SMG1: variants seen among roughly 807,000 people sequenced by gnomAD.
The protein encoded by SMG1 is serine/threonine-protein kinase SMG1.
SMG1 carries 22 observed loss-of-function variants against 419.9 expected under a neutral mutation model. The observed-to-expected ratio is 0.05, with a 90% CI of 0.04 to 0.07. SMG1 has a LOEUF of 0.07. SMG1 is among the 10% of genes least tolerant of loss of function. The probability of loss-of-function intolerance (pLI) is 1.00; values close to 1 mark genes in which losing one functional copy is unlikely to be tolerated. For missense variants in SMG1, 3,185 were observed against 4,342.0 expected (o/e 0.73, Z 7.49); for synonymous variants, 1,538 against 1,553.5 (o/e 0.99, Z 0.23).
Position 18,829,618 on chromosome 16 carries a change from T to C in SMG1, c.9271A>G (p.Arg3091Gly). ...TTGGGTAGCCCTATCAAGAGCTGCC[T>C]CACAAAGTCAGCTGTGAATGCCTTG... is the stretch of plus-strand genomic sequence containing the variant. ...PIKAFTADFV[R>G]QLLIGLPNQA... The change falls in exon 54 of 63, where the codon AGG becomes GGG. Residue 3091 changes from arginine (R) to glycine (G), a missense_variant. Physicochemically the swap from Arg to Gly is moderately radical, Grantham distance 125 (BLOSUM62 -2). This residue lies in a region of SMG1 where 737 missense variants were observed against 846.6 expected (regional missense o/e 0.87). Transcript: ENST00000446231. The C allele has an allele frequency of 6.2e-7, 1 of 1,613,988 alleles. No individual in the cohort carries two copies.
intron 60 of SMG1, among the ~76,000 whole-genome samples, chr16:18,812,661 CATATAT>C (rs71141068): frequency 5.9e-4 from 89 of 150,894 alleles, no homozygotes; most frequent in African/African-American, 2.0e-3. Context: ...CACACACACA[CATATAT>C]ATATACACAC....
At position 18,836,106 on chromosome 16, in the gene SMG1, C is replaced by T; in HGVS notation, c.7884G>A (p.Gln2628=). Reference sequence around the variant, plus strand: ...AGCCACGGAGCACGGAGCGCCTCTGCTGCAGGAGAGCACCAACCTCCCCCT... The same window carrying T: ...AGCCACGGAGCACGGAGCGCCTCTGTTGCAGGAGAGCACCAACCTCCCCCT... The part of the protein sequence containing the change: ...QLEGEVGALL[Q]QRRSVLRGCL... Residue 2628 remains glutamine, a synonymous_variant, in exon 48 of 63, where the codon CAG becomes CAA. Transcript: ENST00000446231. 6.2e-7 allele frequency: 1 copy of T among 1,609,390 alleles called. No homozygotes were observed.
At chr16:18,856,038 C>T (rs1294975112) in intron 29 of SMG1, among the ~76,000 whole-genome samples, 2 of 151,982 alleles carry the variant, frequency 1.3e-5, no homozygotes, top group Admixed American at 6.6e-5. Flanking sequence ...GGCCTGCACA[C>T]GTTTTTTCTA....
At chr16:18,920,382 CA>C (rs67904345) in intron 1 of SMG1, among the ~76,000 whole-genome samples, 38,126 of 100,666 alleles carry the variant, frequency 0.38, 5,258 homozygotes, top group Non-Finnish European at 0.44. Context: ...AACTCCGTCT[CA>C]AAAAAAAAAA....
At chr16:18,871,821 C>T (rs1322872389) in intron 15 of SMG1, among the ~76,000 whole-genome samples, 3 of 151,608 alleles carry the variant, frequency 2.0e-5, no homozygotes, top group Non-Finnish European at 4.4e-5. Flanking sequence ...CACCTGTAAT[C>T]GCGGCTACTT....
At chr16:18,897,020 A>G in intron 1 of SMG1, 64 bp from the exon 2 acceptor site, 1 of 1,207,508 alleles carries the variant, frequency 8.3e-7, no homozygotes, top group Non-Finnish European at 1.2e-6. Context: ...TTCTTTATAC[A>G]AGCCTCTCTT....
chr16:18,839,924 G>C lies in SMG1; in HGVS notation c.6719C>G (p.Pro2240Arg), dbSNP rs759399656. ...ACGGGGTACAATTCCAGGATTCTGAGGAGTTTGGTAGGAATCTTGGGCCTT... is the reference window on the plus strand; with the variant it reads ...ACGGGGTACAATTCCAGGATTCTGACGAGTTTGGTAGGAATCTTGGGCCTT... Reference protein sequence around the residue: ...AQKAQDSYQTPQNPGIVPRPS... With the variant: ...AQKAQDSYQTRQNPGIVPRPS... Residue 2240 changes from proline (P) to arginine (R), a missense_variant, in exon 42 of 63, where the codon CCT becomes CGT. By Grantham distance (103) the Pro-to-Arg change is moderately radical (BLOSUM62 -2). This residue lies in a region of SMG1 where 132 missense variants were observed against 151.0 expected (regional missense o/e 0.87). Transcript: ENST00000446231. 6.3e-7 allele frequency: 1 copy of C among 1,599,432 alleles called. No individual in the cohort carries two copies. Among genetic ancestry groups the C allele is most frequent in the Non-Finnish European group, 8.5e-7 (1 of 1,172,278 alleles).
At chr16:18,831,792 C>T (rs2650620) in intron 51 of SMG1, among the ~76,000 whole-genome samples, 1,594 of 117,000 alleles carry the variant, frequency 0.014, 24 homozygotes, top group African/African-American at 0.05. Flanking sequence ...TATATATATA[C>T]ACACACACGT....
chr16:18,812,382 G>T (rs900828713), intron 60 of SMG1, among the ~76,000 whole-genome samples: 1 of 152,052 alleles, frequency 6.6e-6, no homozygotes, highest in African/African-American at 2.4e-5. Flanking sequence ...CAGGCATGAT[G>T]GCTCACGCCT....
In SMG1 at chr16:18,912,457, AC is replaced by A. The variant is rs2037831511; in HGVS notation, c.92+13492del. 2.0e-5 allele frequency among the ~76,000 whole-genome samples: 3 copies of A among 152,174 alleles called. No individual in the cohort carries two copies. In the South Asian group the frequency reaches 6.2e-4, roughly 32 times the overall value. ...TACTACATTACACACATATATATAA[AC>A]ATTACGTTGTACCCTATGTGTACAA... On this transcript the variant is annotated intron_variant, in intron 1 of 62. Coordinates refer to ENST00000446231, the MANE Select transcript of SMG1 (RefSeq NM_015092.5).
chr16:18,820,363 C>G (rs907912966), intron 55 of SMG1, among the ~76,000 whole-genome samples: 2 of 151,848 alleles, frequency 1.3e-5, no homozygotes. Flanking sequence ...CCACCATGCC[C>G]AACTAATTTT....
At chr16:18,819,370 C>T (rs2270504) in intron 56 of SMG1, 132 bp downstream of exon 56, 42,299 of 888,586 alleles carry the variant, frequency 0.048, 2,321 homozygotes, top group East Asian at 0.23. Flanking sequence ...AAGGCCCATC[C>T]GTCCCTCCTC....
chr16:18,832,582 G>GCACACACACA (rs3222694), intron 51 of SMG1, among the ~76,000 whole-genome samples: 125 of 148,394 alleles, frequency 8.4e-4, no homozygotes, highest in African/African-American at 1.8e-3. Flanking sequence ...CTATACACTT[G>GCACACACACA]CACACACACA....
intron 60 of SMG1, among the ~76,000 whole-genome samples, chr16:18,814,508 A>G (rs778962576): frequency 6.6e-6 from 1 of 152,106 alleles, no homozygotes; most frequent in Non-Finnish European, 1.5e-5. Flanking sequence ...CTCCGCCTCA[A>G]ACAAAAATAA....
rs1197760104 is a variant in SMG1 at position 18,864,036 on chromosome 16, C to A, written c.3459G>T (p.Gly1153=). The change falls in exon 24 of 63, where the codon GGG becomes GGT. Residue 1153 remains glycine (G), a synonymous_variant. Coordinates refer to ENST00000446231, the MANE Select transcript of SMG1 (RefSeq NM_015092.5). ...DKSVLTLANA[G]RNSASPKHSL... is the part of the protein sequence containing the mutation. The stretch of plus-strand genomic sequence containing the variant: ...AATGTTTCGGGCTGGCACTGTTACG[C>A]CCAGCATTGGCTAAGGTGAGCACCG... 1.9e-6 allele frequency: 3 copies of A among 1,550,036 alleles called. No individual in the cohort carries two copies. The highest frequency in any genetic ancestry group is 2.6e-6 in the Non-Finnish European group (3 of 1,146,992).
rs2034337632 is a variant in SMG1 at position 18,847,571 on chromosome 16, C to G, written c.5878G>C (p.Val1960Leu). 6.2e-7 allele frequency: 1 copy of G among 1,614,002 alleles called. No individual in the cohort carries two copies. Reference protein sequence around the residue: ...MLVAELRRVTVLWDELWLGVL... With the variant: ...MLVAELRRVTLLWDELWLGVL... ...CCCAGCCAGAGCTCATCCCAGAGCACAGTGACCCTGCGCAGTTCAGCCACG... is the reference window on the plus strand; with the variant it reads ...CCCAGCCAGAGCTCATCCCAGAGCAGAGTGACCCTGCGCAGTTCAGCCACG... The change falls in exon 38 of 63, where the codon GTG becomes CTG. Residue 1960 changes from valine (V) to leucine (L), a missense_variant. Physicochemically the swap from Val to Leu is conservative, Grantham distance 32. Around this residue, in one of 27 missense-constraint regions of SMG1, gnomAD observed 130 missense variants for 162.0 expected, o/e 0.80. Transcript: ENST00000446231.
At chr16:18,910,890 A>C (rs2037766691) in intron 1 of SMG1, among the ~76,000 whole-genome samples, 1 of 152,204 alleles carries the variant, frequency 6.6e-6, no homozygotes, top group African/African-American at 2.4e-5. Flanking sequence ...GAGGGAAAAA[A>C]GCAATTCATC....
intron 62 of SMG1, among the ~76,000 whole-genome samples, chr16:18,810,772 C>T (rs1174892174): frequency 6.6e-6 from 1 of 152,156 alleles, no homozygotes; most frequent in Admixed American, 6.5e-5. Flanking sequence ...CCTGAGTTGA[C>T]AATTATGTAG....
In SMG1 at chr16:18,835,946, C is replaced by G; in HGVS notation, c.8044G>C (p.Glu2682Gln). ...CTATCAACTTACTTCCTATAGAGCT[C>G]TTGACAACGCTCTACTGTGGTGTTA... is the stretch of plus-strand genomic sequence containing the variant. ...ICNTTVERCQ[E>Q]LYRKYEMQYA... Residue 2682 changes from glutamate (E) to glutamine (Q), a missense_variant, in exon 48 of 63, where the codon GAG becomes CAG. Physicochemically the swap from Glu to Gln is conservative, Grantham distance 29. Coordinates refer to ENST00000446231, the MANE Select transcript of SMG1 (RefSeq NM_015092.5). 6.4e-7 allele frequency: 1 copy of G among 1,552,444 alleles called. No homozygotes were observed.
Sources: allele counts gnomAD v4.1 joint callset (sites outside exome capture counted in the v4.1 genomes callset), GRCh38; gene constraint gnomAD v4.1.1; regional missense constraint gnomAD v4.1.1; transcripts MANE v1.5; gene names NCBI Gene and HGNC (gene_info 2026-07-23, HGNC 2026-07-21).